Variants in TMEM135 observed in about 807,000 individuals in gnomAD.
TMEM135 encodes the protein peroxisomal membrane protein 52.
A neutral mutation model predicts 60.3 loss-of-function variants in TMEM135; 30 were observed. That is an observed-to-expected ratio of 0.50 (90% CI 0.37 to 0.68). TMEM135 has a LOEUF of 0.68. Ranked by LOEUF, TMEM135 falls within the 30% of genes least tolerant of loss-of-function variation. TMEM135 has a pLI of 0.00. For missense variants in TMEM135, 468 were observed against 548.8 expected (o/e 0.85, Z 1.47); for synonymous variants, 190 against 186.7 (o/e 1.02, Z -0.14).
At position 87,240,022 on chromosome 11, in the gene TMEM135, A is replaced by C. The variant is rs566652960; in HGVS notation, c.509+3338A>C. The stretch of plus-strand genomic sequence containing the variant: ...GAAGTAAGGCTTACGTTCAAATGGA[A>C]TCATCCACTTACTTCTGGTGTGTAA... On this transcript the variant is annotated intron_variant, in intron 6 of 14. Transcript: ENST00000305494. 4.6e-5 allele frequency among the ~76,000 whole-genome samples: 7 copies of C among 152,256 alleles called. No homozygotes were observed. The South Asian group carries it at 1.4e-3, about 32-fold the overall frequency.
chr11:87,308,182 T>A (rs1007227740), intron 9 of TMEM135, among the ~76,000 whole-genome samples: 7 of 152,154 alleles, frequency 4.6e-5, no homozygotes, highest in Non-Finnish European at 7.4e-5. Flanking sequence ...ATCACTGTTA[T>A]CCCCAGCATC....
chr11:87,285,403 G>A (rs1942145178), intron 6 of TMEM135, among the ~76,000 whole-genome samples: 1 of 152,152 alleles, frequency 6.6e-6, no homozygotes, highest in South Asian at 2.1e-4. Context: ...TGGTGTGTCT[G>A]GAGTTTATTC....
intron 4 of TMEM135, among the ~76,000 whole-genome samples, chr11:87,100,951 G>A (rs189639425): frequency 3.9e-5 from 6 of 152,266 alleles, no homozygotes; most frequent in South Asian, 2.1e-4. Flanking sequence ...TAGCCTTAAC[G>A]ATTAACTAGC....
chr11:87,179,528 A>G (rs373423348), intron 5 of TMEM135, among the ~76,000 whole-genome samples: 3 of 152,052 alleles, frequency 2.0e-5, no homozygotes, highest in Non-Finnish European at 4.4e-5. Context: ...ACTTTTAAAT[A>G]TGGTGTGAGA....
At chr11:87,204,100 T>C (rs1021836492) in intron 5 of TMEM135, among the ~76,000 whole-genome samples, 1 of 152,196 alleles carries the variant, frequency 6.6e-6, no homozygotes, top group Non-Finnish European at 1.5e-5. Context: ...TTGGCTCGTT[T>C]ACTTTCAGTA....
intron 5 of TMEM135, among the ~76,000 whole-genome samples, chr11:87,202,676 T>G (rs1423755652): frequency 2.6e-5 from 4 of 151,572 alleles, no homozygotes; most frequent in African/African-American, 9.7e-5. Context: ...TAAATAACGA[T>G]TGACATTTGT....
At chr11:87,064,648 C>T (rs746780096) in intron 1 of TMEM135, among the ~76,000 whole-genome samples, 5 of 152,134 alleles carry the variant, frequency 3.3e-5, no homozygotes, top group Admixed American at 6.5e-5. Context: ...TTTGGGAGGC[C>T]GAGGTGGGCG....
intron 5 of TMEM135, among the ~76,000 whole-genome samples, chr11:87,198,793 T>C (rs1477242404): frequency 6.6e-6 from 1 of 151,918 alleles, no homozygotes; most frequent in African/African-American, 2.4e-5. Context: ...CAAGTATAAA[T>C]AATAGAAACA....
chr11:87,304,366 T>C (rs897294630), intron 8 of TMEM135, among the ~76,000 whole-genome samples: 1 of 151,898 alleles, frequency 6.6e-6, no homozygotes, highest in Non-Finnish European at 1.5e-5. Flanking sequence ...GGTGACAGAG[T>C]GACACCCCCA....
intron 9 of TMEM135, among the ~76,000 whole-genome samples, chr11:87,308,773 GA>G (rs1287023361): frequency 6.6e-6 from 1 of 152,132 alleles, no homozygotes; most frequent in African/African-American, 2.4e-5. Flanking sequence ...ATACAGAAAT[GA>G]AATTGACCAG....
Position 87,323,659 on chromosome 11 carries a change from A to G in TMEM135, c.*2326A>G. ...ATAGATTGAGATTGAAAAACCGTGC[A>G]TTTGGGGCAGTGGTATTATGGTCAT... On this transcript the variant is annotated 3_prime_UTR_variant, in exon 15 of 15. Transcript: ENST00000305494. 1 of 453,760 alleles carries G rather than the reference A, an allele frequency of 2.2e-6. No homozygotes were observed. Among genetic ancestry groups the G allele is most frequent in the South Asian group, 1.6e-5 (1 of 64,354 alleles). 28.1% of individuals were successfully genotyped at this position (453,760 alleles called of 1,614,324 possible). A position where few individuals can be genotyped will look rare whatever the true frequency, so the allele number is the denominator to read the frequency against.
chr11:87,289,425 A>G (rs1160677008), intron 6 of TMEM135, among the ~76,000 whole-genome samples: 1 of 145,932 alleles, frequency 6.9e-6, no homozygotes, highest in African/African-American at 2.5e-5. Context: ...CCTTTAACAA[A>G]TATCTCCATA....
At position 87,324,259 on chromosome 11, in the gene TMEM135, C is replaced by A. The variant is rs1334515133; in HGVS notation, c.*2926C>A. 4 of 453,950 alleles carry A rather than the reference C, an allele frequency of 8.8e-6. No individual in the cohort carries two copies. The highest frequency in any genetic ancestry group is 7.1e-5 in the Admixed American group (3 of 42,534). 28.1% of individuals were successfully genotyped at this position (453,950 alleles called of 1,614,324 possible). On this transcript the variant is annotated 3_prime_UTR_variant, in exon 15 of 15. Transcript: ENST00000305494. ...AATGAAAAGCAATGTCCTTTACTCT[C>A]AGGGAGCTTCGTCCACTTGCCTGTG...
chr11:87,287,772 CA>C (rs1942194469), intron 6 of TMEM135, among the ~76,000 whole-genome samples: 1 of 152,044 alleles, frequency 6.6e-6, no homozygotes, highest in African/African-American at 2.4e-5. Flanking sequence ...ATCATAGTTT[CA>C]AAAAATTTCA....
chr11:87,267,018 G>A (rs1300412573), intron 6 of TMEM135, among the ~76,000 whole-genome samples: 1 of 152,140 alleles, frequency 6.6e-6, no homozygotes, highest in Non-Finnish European at 1.5e-5. Flanking sequence ...AGCTTAAGGT[G>A]GTAGAGTGTT....
At chr11:87,126,127 C>G (rs1481343719) in intron 4 of TMEM135, among the ~76,000 whole-genome samples, 2 of 121,622 alleles carry the variant, frequency 1.6e-5, no homozygotes, top group Non-Finnish European at 3.6e-5. Flanking sequence ...CCGCTTTGGC[C>G]TCCCAAAGTG....
intron 3 of TMEM135, 42 bp from the exon 4 acceptor site, chr11:87,091,320 T>C (rs1272028925): frequency 1.9e-6 from 3 of 1,558,806 alleles, no homozygotes; most frequent in Non-Finnish European, 2.6e-6. Context: ...GATTACTAAG[T>C]CAAATTGAAG....
intron 3 of TMEM135, among the ~76,000 whole-genome samples, chr11:87,073,135 AG>A (rs1157431330): frequency 2.6e-5 from 4 of 152,122 alleles, no homozygotes; most frequent in Admixed American, 6.6e-5. Context: ...TCCCTGGTTA[AG>A]CAATTCTCTT....
rs201290776 is a variant in TMEM135, at chr11:87,067,865, A to G, written c.269+44A>G. 33 of 1,607,912 alleles carry G rather than the reference A, an allele frequency of 2.1e-5. No homozygotes were observed. In the East Asian group the frequency reaches 4.0e-4, roughly 20 times the overall value. On this transcript the variant is annotated intron_variant, in intron 2 of 14. Coordinates refer to ENST00000305494, the MANE Select transcript of TMEM135 (RefSeq NM_022918.4). ...CATAGATACTAATATAGGTTCTTCT[A>G]TTGAAATGGAAACAAGTATGTGTTT...
Sources: allele counts gnomAD v4.1 joint callset (sites outside exome capture counted in the v4.1 genomes callset), GRCh38; gene constraint gnomAD v4.1.1; transcripts MANE v1.5; gene names NCBI Gene and HGNC (gene_info 2026-07-23, HGNC 2026-07-21).